The following ELAVL2 variants were observed in gnomAD, a reference collection of about 807,000 sequenced individuals.
ELAVL2 encodes ELAV-like protein 2.
In ELAVL2, 4 loss-of-function variants were observed where a neutral mutation model predicts 34.6. That is an observed-to-expected ratio of 0.12 (90% CI 0.06 to 0.26). The LOEUF is 0.26. ELAVL2 is among the 10% of genes least tolerant of loss of function. ELAVL2 has a pLI of 1.00. For missense variants in ELAVL2, 432 were observed against 442.8 expected (o/e 0.98, Z 0.22); for synonymous variants, 193 against 154.8 (o/e 1.25, Z -1.83).
chr9:23,714,019 A>G (rs1377793841), intron 3 of ELAVL2, among the ~76,000 whole-genome samples: 2 of 152,222 alleles, frequency 1.3e-5, no homozygotes, highest in Non-Finnish European at 2.9e-5. Context: ...AAATGCAACA[A>G]TAAAACTATT....
intron 2 of ELAVL2, among the ~76,000 whole-genome samples, chr9:23,731,662 G>C (rs954376088): frequency 1.3e-5 from 2 of 152,124 alleles, no homozygotes; most frequent in African/African-American, 4.8e-5. Flanking sequence ...GTTTATTTTA[G>C]ACGAGGGCTT....
rs549346176 is a variant in ELAVL2 at position 23,821,013 on chromosome 9, C to A, written c.-16+4793G>T. On this transcript the variant is annotated intron_variant, in intron 1 of 6. Transcript: ENST00000397312. ...ACACCACCTCCGCACACAACGCGGC[C>A]GGTGTTAAGTCTCCAAACGCCCCGA... 2.0e-5 allele frequency among the ~76,000 whole-genome samples: 3 copies of A among 152,212 alleles called. No homozygotes were observed. In the South Asian group the frequency reaches 6.2e-4, roughly 31 times the overall value.
intron 1 of ELAVL2, among the ~76,000 whole-genome samples, chr9:23,779,002 T>C (rs967064260): frequency 1.8e-4 from 28 of 152,056 alleles, no homozygotes; most frequent in African/African-American, 6.3e-4. Context: ...TATTTTGCTA[T>C]GAGAAAGAAG....
intron 3 of ELAVL2, among the ~76,000 whole-genome samples, chr9:23,718,009 G>GT (rs1230000976): frequency 6.6e-6 from 1 of 152,110 alleles, no homozygotes; most frequent in African/African-American, 2.4e-5. Flanking sequence ...TGTGGGCAAG[G>GT]TGAGCACCAT....
chr9:23,787,580 A>G (rs2059850082), intron 1 of ELAVL2, among the ~76,000 whole-genome samples: 1 of 152,062 alleles, frequency 6.6e-6, no homozygotes, highest in Non-Finnish European at 1.5e-5. Context: ...AACAAAAAAA[A>G]AAGATTAACT....
the ELAVL2 span, among the ~76,000 whole-genome samples, chr9:23,850,206 T>A: frequency 6.6e-6 from 1 of 151,722 alleles, no homozygotes; most frequent in African/African-American, 2.4e-5. Context: ...CTTTTGACCG[T>A]GGACTGGCTT....
rs562915476 is a variant in ELAVL2, at chr9:23,811,733, C to T, written c.-16+14073G>A. Among the ~76,000 whole-genome samples, 10 of 152,246 alleles carry T rather than the reference C, an allele frequency of 6.6e-5. 1 individual carries two copies. In the South Asian group the frequency reaches 1.9e-3, roughly 28 times the overall value. ...CAGCTTCATGTAGTTTGAAACACAA[C>T]GTGCCTCAGATCTACTCTTCTGGGA... is the stretch of plus-strand genomic sequence containing the variant. On this transcript the variant is annotated intron_variant, in intron 1 of 6. Transcript: ENST00000397312.
chr9:23,734,402 C>T (rs542311199), intron 2 of ELAVL2, among the ~76,000 whole-genome samples: 1 of 152,152 alleles, frequency 6.6e-6, no homozygotes, highest in Non-Finnish European at 1.5e-5. Context: ...ATATCTGAAG[C>T]TTGGCAAGGT....
At chr9:23,714,700 A>G (rs773862969) in intron 3 of ELAVL2, among the ~76,000 whole-genome samples, 3 of 152,168 alleles carry the variant, frequency 2.0e-5, no homozygotes, top group Non-Finnish European at 4.4e-5. Flanking sequence ...ACTTCATGGA[A>G]TAACTTCTAT....
chr9:23,751,092 A>G (rs1047346417), intron 2 of ELAVL2, among the ~76,000 whole-genome samples: 2 of 152,152 alleles, frequency 1.3e-5, no homozygotes, highest in South Asian at 2.1e-4. Flanking sequence ...ATTCAAGTCT[A>G]TCATCCCTCA....
At chr9:23,731,998 G>T (rs1351749910) in intron 2 of ELAVL2, among the ~76,000 whole-genome samples, 1 of 152,124 alleles carries the variant, frequency 6.6e-6, no homozygotes, top group African/African-American at 2.4e-5. Flanking sequence ...AAAGTCAATC[G>T]CAATGGTCTC....
chr9:23,838,840 A>C, the ELAVL2 span, among the ~76,000 whole-genome samples: 2 of 152,154 alleles, frequency 1.3e-5, no homozygotes, highest in East Asian at 3.9e-4. Context: ...AAATAATTAT[A>C]ATGAGATTGA....
At chr9:23,715,613 C>G (rs1485545349) in intron 3 of ELAVL2, among the ~76,000 whole-genome samples, 1 of 152,222 alleles carries the variant, frequency 6.6e-6, no homozygotes, top group African/African-American at 2.4e-5. Context: ...CCAGCAATGG[C>G]TTCAGTATTC....
chr9:23,731,162 T>C lies in ELAVL2; in HGVS notation c.230-37A>G, dbSNP rs200218336. 1.3e-4 allele frequency: 203 copies of C among 1,574,680 alleles called. 2 individuals carry two copies. In the East Asian group the frequency reaches 4.5e-3, roughly 35 times the overall value. ...GAAGGGGAAAAAGGCATATATTAGTTCTATACTGTTGACAGAGATCAACTT... is the reference window on the plus strand; with the variant it reads ...GAAGGGGAAAAAGGCATATATTAGTCCTATACTGTTGACAGAGATCAACTT... On this transcript the variant is annotated intron_variant, in intron 2 of 6. Coordinates refer to ENST00000397312, the MANE Select transcript of ELAVL2 (RefSeq NM_004432.5).
intron 1 of ELAVL2, among the ~76,000 whole-genome samples, chr9:23,780,030 A>C (rs28624094): frequency 0.021 from 2,562 of 122,192 alleles, 152 homozygotes; most frequent in African/African-American, 0.081. Flanking sequence ...AAAAAAAAAA[A>C]AAAACTTCAT....
intron 1 of ELAVL2, among the ~76,000 whole-genome samples, chr9:23,766,410 C>T (rs751498969): frequency 2.0e-5 from 3 of 152,104 alleles, no homozygotes; most frequent in African/African-American, 7.2e-5. Flanking sequence ...CAGGACCACA[C>T]CCAGCAGGGT....
At chr9:23,731,167 A>T in intron 2 of ELAVL2, 42 bp from the exon 3 acceptor site, 3 of 1,557,524 alleles carry the variant, frequency 1.9e-6, no homozygotes, top group Non-Finnish European at 2.6e-6. Context: ...TTAGTTCTAT[A>T]CTGTTGACAG....
At chr9:23,811,501 G>A (rs2138105983) in intron 1 of ELAVL2, among the ~76,000 whole-genome samples, 1 of 152,316 alleles carries the variant, frequency 6.6e-6, no homozygotes, top group East Asian at 1.9e-4. Flanking sequence ...CAAGGAGAAG[G>A]CATAGATCAA....
At chr9:23,808,199 C>T (rs985823506) in intron 1 of ELAVL2, among the ~76,000 whole-genome samples, 1 of 149,330 alleles carries the variant, frequency 6.7e-6, no homozygotes, top group Non-Finnish European at 1.5e-5. Flanking sequence ...AACAAATGAT[C>T]TTCACTAATC....
Sources: gnomAD v4.1 joint callset for allele counts (sites outside exome capture counted in the v4.1 genomes callset) on GRCh38, gnomAD v4.1.1 for gene constraint, MANE v1.5 for transcripts, NCBI Gene and HGNC (gene_info 2026-07-23, HGNC 2026-07-21) for gene names.